The following SDR16C5 variants were observed in gnomAD, a reference collection of about 807,000 sequenced individuals.
SDR16C5 encodes the protein epidermal retinol dehydrogenase 2.
SDR16C5 carries 20 observed loss-of-function variants against 27.7 expected under a neutral mutation model. The observed-to-expected ratio is 0.72, with a 90% CI of 0.51 to 1.05. The LOEUF (loss-of-function observed/expected upper bound fraction) is 1.05. Ranked by LOEUF, SDR16C5 falls within the 50% of genes least tolerant of loss-of-function variation. The pLI is 0.00. For synonymous variants in SDR16C5, 139 were observed against 132.3 expected (o/e 1.05, Z -0.35); for missense variants, 374 against 366.3 (o/e 1.02, Z -0.17).
At position 56,314,120 on chromosome 8, in the gene SDR16C5, C is replaced by T. The variant is rs1419470577; in HGVS notation, c.334-1832G>A. On this transcript the variant is annotated intron_variant, in intron 2 of 6. Coordinates refer to ENST00000303749, the MANE Select transcript of SDR16C5 (RefSeq NM_138969.4). ...TACTTGGGAGGCTGAGGCAGGAGTA[C>T]CGCTTGAACCCGGGAGGTGGAGTTT... Among the ~76,000 whole-genome samples, 14 of 152,010 alleles carry T rather than the reference C, an allele frequency of 9.2e-5. No individual in the cohort carries two copies. In the East Asian group the frequency reaches 9.7e-4, roughly 11 times the overall value.
chr8:56,310,169 AGG>A, intron 3 of SDR16C5, among the ~76,000 whole-genome samples: 1 of 8,582 alleles, frequency 1.2e-4, no homozygotes, highest in Non-Finnish European at 2.1e-4. Context: ...AGGAGGAGGG[AGG>A]AGGAGGAGGA....
At chr8:56,312,756 C>G (rs1185210993) in intron 2 of SDR16C5, among the ~76,000 whole-genome samples, 1 of 141,268 alleles carries the variant, frequency 7.1e-6, no homozygotes, top group African/African-American at 2.6e-5. Context: ...ATTGCTGAGT[C>G]TACAATGCAC....
At position 56,316,186 on chromosome 8, in the gene SDR16C5, C is replaced by A. The variant is rs1195942228; in HGVS notation, c.162G>T (p.Arg54Ser). The A allele has an allele frequency of 1.2e-6, 2 of 1,614,050 alleles. No individual in the cohort carries two copies. Among genetic ancestry groups the A allele is most frequent in the African/African-American group, 1.3e-5 (1 of 74,906 alleles). Residue 54 changes from arginine to serine, a missense_variant, in exon 2 of 7, where the codon AGG (arginine) becomes AGT (serine). By Grantham distance (110) the Arg-to-Ser change is moderately radical (BLOSUM62 -1). Transcript: ENST00000303749. ...GCCGGGCAAACTGCAAGGCTAAGAG[C>A]CTTCCGAGTCCACTTCCAGCACCTG... is the stretch of plus-strand genomic sequence containing the variant. ...LITGAGSGLG[R>S]LLALQFARLG... is the part of the protein sequence containing the mutation.
Position 56,306,683 on chromosome 8 carries a change from T to C in SDR16C5, c.703A>G (p.Thr235Ala), listed in dbSNP as rs1474520015. ...ATTAAAGGACATACTTACCCTGTAG[T>C]ACAACCTTCAAACATTCCAGTTTTT... is the stretch of plus-strand genomic sequence containing the variant. ...FIKTGMFEGC[T>A]TGCPSLLPIL... The change falls in exon 5 of 7, where the codon ACT (threonine) becomes GCT (alanine). Residue 235 changes from threonine (T) to alanine (A), a missense_variant. Physicochemically the swap from Thr to Ala is moderately conservative, Grantham distance 58 (BLOSUM62 0). Coordinates refer to ENST00000303749, the MANE Select transcript of SDR16C5 (RefSeq NM_138969.4). The C allele has an allele frequency of 9.9e-6, 16 of 1,611,006 alleles. No individual in the cohort carries two copies. Among genetic ancestry groups the C allele is most frequent in the African/African-American group, 1.3e-5 (1 of 74,774 alleles).
At chr8:56,312,810 T>C (rs1270578381) in intron 2 of SDR16C5, among the ~76,000 whole-genome samples, 3 of 147,760 alleles carry the variant, frequency 2.0e-5, no homozygotes, top group Non-Finnish European at 3.0e-5. Context: ...GGAGTCTTGC[T>C]CTGTCGACCA....
At chr8:56,304,040 A>G (rs1814823601) in intron 6 of SDR16C5, 7 of 702,930 alleles carry the variant, frequency 1.0e-5, no homozygotes, top group Non-Finnish European at 1.8e-5. Flanking sequence ...TCTGTCCCAC[A>G]TAGCCTCAGT....
chr8:56,318,363 C>A (rs1815252850), intron 1 of SDR16C5, among the ~76,000 whole-genome samples: 1 of 152,210 alleles, frequency 6.6e-6, no homozygotes, highest in Non-Finnish European at 1.5e-5. Flanking sequence ...TCAGGCCTCT[C>A]AGGCACTGCA....
Position 56,318,759 on chromosome 8 carries a change from T to G in SDR16C5, c.-15+1300A>C, listed in dbSNP as rs373969757. Among the ~76,000 whole-genome samples, 28 of 152,308 alleles carry G rather than the reference T, an allele frequency of 1.8e-4. No homozygotes were observed. In the South Asian group the frequency reaches 5.6e-3, roughly 30 times the overall value. ...TTGGCTTGATGCAAGACCTAAAATA[T>G]GTCCATCTTTTAACCCTGTCTTGGC... On this transcript the variant is annotated intron_variant, in intron 1 of 6. Transcript: ENST00000303749.
chr8:56,303,206 C>CG (rs1263258409), intron 6 of SDR16C5, among the ~76,000 whole-genome samples: 32 of 150,944 alleles, frequency 2.1e-4, no homozygotes, highest in Admixed American at 2.1e-3. Context: ...CCCAGCTACT[C>CG]GAGAGGCTGA....
At chr8:56,313,578 T>C (rs902098281) in intron 2 of SDR16C5, among the ~76,000 whole-genome samples, 3 of 152,224 alleles carry the variant, frequency 2.0e-5, no homozygotes, top group Admixed American at 6.5e-5. Flanking sequence ...GTGTATCTAA[T>C]CATAGAACAT....
chr8:56,308,854 T>G, intron 4 of SDR16C5, 74 bp downstream of exon 4: 1 of 1,003,380 alleles, frequency 1.0e-6, no homozygotes, highest in Non-Finnish European at 1.5e-6. Context: ...AAGTCAGTGC[T>G]AATTATTCAG....
chr8:56,303,840 T>A, intron 6 of SDR16C5: 1 of 629,762 alleles, frequency 1.6e-6, no homozygotes, highest in South Asian at 1.8e-5. Flanking sequence ...GAACTTAGTG[T>A]GTTGTGAATG....
At chr8:56,309,146 G>T (rs1713030331) in intron 3 of SDR16C5, 119 bp from the exon 4 acceptor site, 4 of 883,852 alleles carry the variant, frequency 4.5e-6, no homozygotes, top group Non-Finnish European at 6.2e-6. Context: ...ATATCTGAAG[G>T]TATGGGGATA....
intron 6 of SDR16C5, chr8:56,303,788 T>C (rs1417945807): frequency 8.8e-6 from 5 of 568,538 alleles, no homozygotes; most frequent in Non-Finnish European, 9.4e-6. Context: ...GTTCTTACCA[T>C]TGGCATTACT....
Position 56,317,038 on chromosome 8 carries a change from G to A in SDR16C5, c.-14-677C>T, listed in dbSNP as rs116868989. On this transcript the variant is annotated intron_variant, in intron 1 of 6. Transcript: ENST00000303749. ...TCACTTACCACTCTGTGTGATTAAA[G>A]GTCACAGGCGAGGCAGACCTGGACT... Among the ~76,000 whole-genome samples the A allele has an allele frequency of 1.1e-3, 174 of 152,228 alleles. 1 individual carries two copies. The East Asian group carries it at 0.019, about 17-fold the overall frequency.
rs1272172895 is a variant in SDR16C5 at position 56,300,358 on chromosome 8, G to C, written c.*1122C>G. The C allele has an allele frequency of 6.6e-6, 1 of 151,920 alleles. No individual in the cohort carries two copies. Among genetic ancestry groups the C allele is most frequent in the Non-Finnish European group, 1.5e-5 (1 of 67,994 alleles). The allele number at this position is 151,920 out of a possible 1,614,324, so 9.4% of individuals were successfully genotyped here. A position where few individuals can be genotyped will look rare whatever the true frequency, so the allele number is the denominator to read the frequency against. ...TCTCAATTCTTTAGACTTTTACCGG[G>C]TCTCCCAAGGTACCGCTCATCCCCT... On this transcript the variant is annotated 3_prime_UTR_variant, in exon 7 of 7. Coordinates refer to ENST00000303749, the MANE Select transcript of SDR16C5 (RefSeq NM_138969.4).
chr8:56,312,525 C>CA (rs552899141), intron 2 of SDR16C5, among the ~76,000 whole-genome samples: 82 of 152,016 alleles, frequency 5.4e-4, no homozygotes, highest in Admixed American at 1.7e-3. Flanking sequence ...GCCAACATGG[C>CA]AAAATCCTGT....
chr8:56,310,716 C>CAA (rs869062505), intron 3 of SDR16C5, among the ~76,000 whole-genome samples: 687 of 68,372 alleles, frequency 0.01, 9 homozygotes, highest in African/African-American at 0.033. Flanking sequence ...TACTCTATCT[C>CAA]AAAAAAAAAA....
intron 3 of SDR16C5, among the ~76,000 whole-genome samples, chr8:56,311,157 T>C (rs1815035302): frequency 6.6e-6 from 1 of 152,182 alleles, no homozygotes; most frequent in African/African-American, 2.4e-5. Context: ...AAAAGTCCTG[T>C]GATCCCAGCA....
Sources: allele counts gnomAD v4.1 joint callset (sites outside exome capture counted in the v4.1 genomes callset), GRCh38; gene constraint gnomAD v4.1.1; transcripts MANE v1.5; gene names NCBI Gene and HGNC (gene_info 2026-07-23, HGNC 2026-07-21).